The following SUGCT variants were observed in gnomAD, a reference collection of about 807,000 sequenced individuals.
SUGCT encodes the protein succinyl-CoA:glutarate CoA-transferase.
SUGCT carries 41 observed loss-of-function variants against 55.0 expected under a neutral mutation model. That is an observed-to-expected ratio of 0.74 (90% CI 0.58 to 0.97). The LOEUF is 0.97. Ranked by LOEUF, SUGCT falls within the 50% of genes least tolerant of loss-of-function variation. The pLI is 0.00. For missense variants in SUGCT, 568 were observed against 547.8 expected, an observed-to-expected ratio of 1.04 and a Z score of -0.37; for synonymous variants, 187 against 200.4, an observed-to-expected ratio of 0.93 and a Z score of 0.56.
the SUGCT span, among the ~76,000 whole-genome samples, chr7:40,890,289 T>C: frequency 4.5e-5 from 6 of 132,980 alleles, no homozygotes; most frequent in Non-Finnish European, 8.0e-5. Flanking sequence ...AATATTTATA[T>C]TATATAATAT....
intron 12 of SUGCT, among the ~76,000 whole-genome samples, chr7:40,576,968 G>C (rs1473646288): frequency 1.3e-5 from 2 of 152,158 alleles, no homozygotes; most frequent in South Asian, 4.1e-4. Flanking sequence ...TACACCAGTG[G>C]TTCTTAAAGT....
chr7:40,219,938 C>T (rs116709762), intron 6 of SUGCT, among the ~76,000 whole-genome samples: 2,652 of 152,150 alleles, frequency 0.017, 72 homozygotes, highest in African/African-American at 0.062. Flanking sequence ...GAAGTTTACC[C>T]TAATTGCTGG....
rs947167125 is a variant in SUGCT, at chr7:40,269,071, T to C, written c.577-5442T>C. ...CCGCATTTCACAGTCCCACCAATAG[T>C]ACATGAAGGCTCCATTTCTTCACAT... On this transcript the variant is annotated intron_variant, in intron 7 of 13. Transcript: ENST00000335693. 2.6e-5 allele frequency among the ~76,000 whole-genome samples: 4 copies of C among 152,326 alleles called. No individual in the cohort carries two copies. In the South Asian group the frequency reaches 8.3e-4, roughly 32 times the overall value.
intron 8 of SUGCT, among the ~76,000 whole-genome samples, chr7:40,290,666 A>C (rs1793681266): frequency 6.6e-6 from 1 of 152,200 alleles, no homozygotes; most frequent in African/African-American, 2.4e-5. Flanking sequence ...GGATCTAATT[A>C]AACTAAAGAG....
intron 12 of SUGCT, among the ~76,000 whole-genome samples, chr7:40,691,762 G>T (rs928171070): frequency 6.6e-6 from 1 of 152,092 alleles, no homozygotes; most frequent in African/African-American, 2.4e-5. Flanking sequence ...ACTTGTCTTA[G>T]AATTCTTTTT....
chr7:40,368,589 C>T (rs532685723), intron 9 of SUGCT, among the ~76,000 whole-genome samples: 3 of 152,306 alleles, frequency 2.0e-5, no homozygotes, highest in African/African-American at 7.2e-5. Context: ...GCAGTTGCCT[C>T]AAGCTCAGAC....
chr7:40,408,160 T>G (rs916240819), intron 9 of SUGCT, among the ~76,000 whole-genome samples: 4 of 152,304 alleles, frequency 2.6e-5, no homozygotes, highest in African/African-American at 9.6e-5. Flanking sequence ...CCTCCTTTTG[T>G]TTAAATGACA....
At chr7:40,800,419 GCTGGGATTACAGGCACCCGCCATCACGC>G (rs1419050580) in intron 13 of SUGCT, among the ~76,000 whole-genome samples, 1 of 151,658 alleles carries the variant, frequency 6.6e-6, no homozygotes, top group Admixed American at 6.6e-5. Flanking sequence ...CTCTCGAGTA[GCTGGGATTACAGGCACCCGCCATCACGC>G]CTGGCTAATT....
At chr7:40,663,710 G>A (rs1044950402) in intron 12 of SUGCT, among the ~76,000 whole-genome samples, 21 of 152,110 alleles carry the variant, frequency 1.4e-4, no homozygotes, top group South Asian at 2.1e-4. Context: ...GAAAATAAGC[G>A]TGCTTCAATT....
chr7:40,757,672 C>A (rs1351593243), intron 13 of SUGCT, among the ~76,000 whole-genome samples: 1 of 152,056 alleles, frequency 6.6e-6, no homozygotes, highest in Non-Finnish European at 1.5e-5. Context: ...GCAGAATGAT[C>A]CTTGAGATTA....
chr7:40,490,492 G>A (rs1358125300), intron 11 of SUGCT, among the ~76,000 whole-genome samples: 3 of 152,118 alleles, frequency 2.0e-5, no homozygotes, highest in Non-Finnish European at 2.9e-5. Context: ...TTTTGGCTTG[G>A]GAGAGAAGTG....
At chr7:40,389,472 A>G (rs1785301740) in intron 9 of SUGCT, among the ~76,000 whole-genome samples, 1 of 151,740 alleles carries the variant, frequency 6.6e-6, no homozygotes, top group Non-Finnish European at 1.5e-5. Context: ...CAAACAAACA[A>G]GCAAAAAGAA....
At chr7:40,338,535 C>T (rs917104542) in intron 9 of SUGCT, among the ~76,000 whole-genome samples, 15 of 152,192 alleles carry the variant, frequency 9.9e-5, no homozygotes, top group African/African-American at 3.1e-4. Flanking sequence ...TCCAGTGGAT[C>T]GAATCGGCTG....
At chr7:40,800,025 A>G (rs555421098) in intron 13 of SUGCT, among the ~76,000 whole-genome samples, 84 of 152,296 alleles carry the variant, frequency 5.5e-4, no homozygotes, top group African/African-American at 1.7e-3. Context: ...GGGCCTGGAA[A>G]ATGACACTGT....
chr7:40,373,348 A>G (rs113123158), intron 9 of SUGCT, among the ~76,000 whole-genome samples: 187 of 85,620 alleles, frequency 2.2e-3, no homozygotes, highest in African/African-American at 7.5e-3. Context: ...TAGAATCTAT[A>G]GATTCTAGAA....
At chr7:40,681,122 A>C (rs1399539712) in intron 12 of SUGCT, among the ~76,000 whole-genome samples, 1 of 152,182 alleles carries the variant, frequency 6.6e-6, no homozygotes, top group Non-Finnish European at 1.5e-5. Flanking sequence ...TAAAAGCCGG[A>C]ATCTCCAGTG....
intron 12 of SUGCT, among the ~76,000 whole-genome samples, chr7:40,546,301 G>A (rs1353961931): frequency 6.6e-6 from 1 of 152,140 alleles, no homozygotes; most frequent in Non-Finnish European, 1.5e-5. Flanking sequence ...TAAATTATTT[G>A]ATATGAAATA....
At chr7:40,159,440 G>A (rs879942791) in intron 1 of SUGCT, among the ~76,000 whole-genome samples, 54 of 151,448 alleles carry the variant, frequency 3.6e-4, no homozygotes, top group Admixed American at 2.4e-3. Flanking sequence ...ATATGATATC[G>A]GCTCACTACA....
At chr7:40,613,123 A>T (rs1236894352) in intron 12 of SUGCT, among the ~76,000 whole-genome samples, 1 of 150,644 alleles carries the variant, frequency 6.6e-6, no homozygotes, top group African/African-American at 2.4e-5. Context: ...ATGAAGCAAG[A>T]CTCCATCTAA....
Sources: allele counts gnomAD v4.1 joint callset (sites outside exome capture counted in the v4.1 genomes callset), GRCh38; gene constraint gnomAD v4.1.1; transcripts MANE v1.5; gene names NCBI Gene and HGNC (gene_info 2026-07-23, HGNC 2026-07-21).